KCNQ5: variants seen among roughly 807,000 people sequenced by gnomAD.
The protein encoded by KCNQ5 is potassium voltage-gated channel subfamily KQT member 5.
A neutral mutation model predicts 98.2 loss-of-function variants in KCNQ5; 30 were observed. The observed-to-expected ratio is 0.31, with a 90% confidence interval of 0.23 to 0.41. KCNQ5 has a LOEUF of 0.41. Ranked by LOEUF, KCNQ5 falls within the 10% of genes least tolerant of loss-of-function variation. The pLI is 1.00. For missense variants in KCNQ5, 835 were observed against 1,182.5 expected (o/e 0.71, Z 4.31); for synonymous variants, 458 against 449.4 (o/e 1.02, Z -0.24).
intron 2 of KCNQ5, among the ~76,000 whole-genome samples, chr6:73,016,234 A>T (rs999006283): frequency 1.3e-5 from 2 of 152,142 alleles, no homozygotes; most frequent in Non-Finnish European, 2.9e-5. Context: ...GCGATGAGGC[A>T]TGCAAAGATT....
intron 5 of KCNQ5, among the ~76,000 whole-genome samples, chr6:73,080,570 A>C (rs181848975): frequency 2.6e-4 from 40 of 152,302 alleles, no homozygotes; most frequent in Admixed American, 2.1e-3. Flanking sequence ...TTATTTATAC[A>C]TTAATCAAGA....
rs79271377 is a variant in KCNQ5 at position 73,141,003 on chromosome 6, A to C, written c.1468+7362A>C. 3.8e-3 allele frequency among the ~76,000 whole-genome samples: 573 copies of C among 152,322 alleles called. 21 individuals are homozygous for C. In the East Asian group the frequency reaches 0.044, roughly 12 times the overall value. Reference sequence around the variant, plus strand: ...TCTCAATCTCTGGTTTCAGACCCCAAGTGACTACGTTATTTCTTGGATTTC... The same window carrying C: ...TCTCAATCTCTGGTTTCAGACCCCACGTGACTACGTTATTTCTTGGATTTC... On this transcript the variant is annotated intron_variant, in intron 10 of 13. Transcript: ENST00000370398.
At chr6:72,901,294 T>C (rs1779496812) in intron 1 of KCNQ5, among the ~76,000 whole-genome samples, 1 of 152,188 alleles carries the variant, frequency 6.6e-6, no homozygotes, top group Admixed American at 6.5e-5. Flanking sequence ...TCTTCCGTTC[T>C]GTGGATTGTC....
At chr6:72,887,285 G>A (rs1401871505) in intron 1 of KCNQ5, among the ~76,000 whole-genome samples, 1 of 152,080 alleles carries the variant, frequency 6.6e-6, no homozygotes, top group Non-Finnish European at 1.5e-5. Context: ...ATCTTACTTG[G>A]ATGGCAGCAG....
chr6:73,149,290 A>G (rs148182018), intron 10 of KCNQ5, among the ~76,000 whole-genome samples: 2 of 152,348 alleles, frequency 1.3e-5, no homozygotes, highest in Admixed American at 6.5e-5. Flanking sequence ...TCATTTCTTG[A>G]GCCTTTTAGG....
chr6:72,834,454 C>T (rs531735787), intron 1 of KCNQ5, among the ~76,000 whole-genome samples: 38 of 152,200 alleles, frequency 2.5e-4, no homozygotes, highest in African/African-American at 9.1e-4. Context: ...TGAGTAGAGA[C>T]TCTAAAGATA....
chr6:72,860,236 T>G (rs1165591936), intron 1 of KCNQ5, among the ~76,000 whole-genome samples: 2 of 152,208 alleles, frequency 1.3e-5, no homozygotes, highest in Non-Finnish European at 2.9e-5. Context: ...TCTAAATTAA[T>G]TTTGTCTTCT....
chr6:72,652,726 G>A (rs971236338), intron 1 of KCNQ5, among the ~76,000 whole-genome samples: 3 of 152,120 alleles, frequency 2.0e-5, no homozygotes, highest in South Asian at 4.2e-4. Flanking sequence ...CTGTATTCCT[G>A]TATCCTGTTT....
chr6:72,946,973 A>G (rs1210907286), intron 1 of KCNQ5, among the ~76,000 whole-genome samples: 2 of 152,140 alleles, frequency 1.3e-5, no homozygotes, highest in African/African-American at 2.4e-5. Context: ...CCAGTCTGGC[A>G]GTCTCACAAC....
intron 1 of KCNQ5, among the ~76,000 whole-genome samples, chr6:72,769,743 C>A (rs1772761161): frequency 1.3e-5 from 2 of 152,062 alleles, no homozygotes; most frequent in Admixed American, 1.3e-4. Context: ...TATTTCATAG[C>A]TTTGTCTGAA....
At chr6:72,887,928 C>G (rs1055363917) in intron 1 of KCNQ5, among the ~76,000 whole-genome samples, 3 of 152,062 alleles carry the variant, frequency 2.0e-5, no homozygotes, top group Non-Finnish European at 4.4e-5. Context: ...CAAAGAATGA[C>G]AGATAATACA....
intron 10 of KCNQ5, among the ~76,000 whole-genome samples, chr6:73,147,865 C>T (rs1776986221): frequency 6.6e-6 from 1 of 151,946 alleles, no homozygotes; most frequent in African/African-American, 2.4e-5. Flanking sequence ...CACAGTTCAG[C>T]AATAAGCAAG....
At chr6:72,678,357 G>A (rs1050194074) in intron 1 of KCNQ5, 6 of 152,088 alleles carry the variant, frequency 3.9e-5, no homozygotes, top group African/African-American at 1.4e-4. Context: ...TTTACAGATG[G>A]AGAAAATTGA....
At chr6:73,091,649 T>C (rs1207074149) in intron 5 of KCNQ5, among the ~76,000 whole-genome samples, 1 of 152,182 alleles carries the variant, frequency 6.6e-6, no homozygotes, top group Non-Finnish European at 1.5e-5. Context: ...ACCAATACCA[T>C]GCTGTCTTGG....
rs1372580265 is a variant in KCNQ5, at chr6:73,120,544, A to C, written c.1187A>C (p.His396Pro). The part of the protein sequence containing the change: ...KSVSIATWKP[H>P]LKALHTCSPT... ...GTTTCCATTGCAACCTGGAAGCCAC[A>C]CTTGAAGGCCTTGCACACCTGCAGC... Residue 396 changes from histidine to proline, a missense_variant, in exon 8 of 14, where the codon CAC becomes CCC. Physicochemically the swap from His to Pro is moderately conservative, Grantham distance 77 (BLOSUM62 -2). Transcript: ENST00000370398. 1 of 1,611,804 alleles carries C rather than the reference A, an allele frequency of 6.2e-7. No homozygotes were observed. The highest frequency in any genetic ancestry group is 1.1e-5 in the South Asian group (1 of 90,704).
rs139100059 is a variant in KCNQ5 at position 72,911,473 on chromosome 6, A to G, written c.399-92435A>G. Among the ~76,000 whole-genome samples, 50 of 152,228 alleles carry G rather than the reference A, an allele frequency of 3.3e-4. No individual in the cohort carries two copies. The East Asian group carries it at 6.6e-3, about 20-fold the overall frequency. On this transcript the variant is annotated intron_variant, in intron 1 of 13. Coordinates refer to ENST00000370398, the MANE Select transcript of KCNQ5 (RefSeq NM_019842.4). ...ATTTTCATCCTCTAGAACTGTGAGA[A>G]GTAAATTTCCATCATTTGCAAGCCA... is the stretch of plus-strand genomic sequence containing the variant.
At chr6:73,136,873 T>A (rs964491611) in intron 10 of KCNQ5, 4 of 152,208 alleles carry the variant, frequency 2.6e-5, no homozygotes, top group Admixed American at 2.6e-4. Flanking sequence ...ATATAACACT[T>A]ATAGCCAGTT....
chr6:73,197,285 A>G lies in KCNQ5; in HGVS notation c.*1871A>G, dbSNP rs949592680. 1.3e-5 allele frequency: 2 copies of G among 152,130 alleles called. No individual in the cohort carries two copies. Among genetic ancestry groups the G allele is most frequent in the Non-Finnish European group, 2.9e-5 (2 of 68,036 alleles). The allele number at this position is 152,130 out of a possible 1,614,324, so 9.4% of individuals were successfully genotyped here. A position where few individuals can be genotyped will look rare whatever the true frequency, so the allele number is the denominator to read the frequency against. On this transcript the variant is annotated 3_prime_UTR_variant, in exon 14 of 14. Coordinates refer to ENST00000370398, the MANE Select transcript of KCNQ5 (RefSeq NM_019842.4). ...TCAACCAGTTCTCCGCTTTACCTAA[A>G]ATGTGCTTCTCAACCTTTTAGAACC...
intron 1 of KCNQ5, among the ~76,000 whole-genome samples, chr6:72,964,794 A>C (rs1393064463): frequency 1.3e-5 from 2 of 152,172 alleles, no homozygotes; most frequent in East Asian, 3.9e-4. Context: ...ACAGAGCAAC[A>C]AAAAAATTTT....
Sources: allele counts gnomAD v4.1 joint callset (sites outside exome capture counted in the v4.1 genomes callset), GRCh38; gene constraint gnomAD v4.1.1; transcripts MANE v1.5; gene names NCBI Gene and HGNC (gene_info 2026-07-23, HGNC 2026-07-21).